The following JAK1 variants were observed in gnomAD, a reference collection of about 807,000 sequenced individuals.
JAK1 encodes tyrosine-protein kinase JAK1.
A neutral mutation model predicts 136.6 loss-of-function variants in JAK1; 16 were observed. That is an observed-to-expected ratio of 0.12 (90% CI 0.08 to 0.18). The LOEUF is 0.18. Among genes scored for constraint, JAK1 ranks in the 10% least tolerant of loss-of-function variants. The pLI is 1.00. For missense variants in JAK1, 859 were observed against 1,450.1 expected (o/e 0.59, Z 6.62); for synonymous variants, 492 against 519.5 (o/e 0.95, Z 0.72).
In JAK1 at chr1:64,834,014, C is replaced by T. The variant is rs1570596000; in HGVS notation, c.*548G>A. Reference sequence around the variant, plus strand: ...TTTAAGTCCTACTGGTGAGAGAATACAGTCATTTTTGTACAGAAACAATAT... The same window carrying T: ...TTTAAGTCCTACTGGTGAGAGAATATAGTCATTTTTGTACAGAAACAATAT... On this transcript the variant is annotated 3_prime_UTR_variant, in exon 25 of 25. Transcript: ENST00000342505. 2.6e-5 allele frequency: 6 copies of T among 232,844 alleles called. No individual in the cohort carries two copies. The East Asian group carries it at 3.6e-4, about 14-fold the overall frequency. 14.4% of individuals were successfully genotyped at this position (232,844 alleles called of 1,614,324 possible). A position where few individuals can be genotyped will look rare whatever the true frequency, so the allele number is the denominator to read the frequency against.
At chr1:64,892,582 G>C (rs1318661626) in intron 1 of JAK1, among the ~76,000 whole-genome samples, 1 of 152,106 alleles carries the variant, frequency 6.6e-6, no homozygotes, top group Non-Finnish European at 1.5e-5. Flanking sequence ...AACTCACCCA[G>C]GCACAATATG....
At chr1:64,970,061 G>A (rs1175129260), upstream of JAK1, among the ~76,000 whole-genome samples, 1 of 138,848 alleles carries the variant, frequency 7.2e-6, no homozygotes, top group East Asian at 2.2e-4. Context: ...CTTGAGCCCA[G>A]GAGATCAAGG....
At chr1:65,050,711 G>A (rs560130328) in intron 1 of JAK1, among the ~76,000 whole-genome samples, 1 of 152,322 alleles carries the variant, frequency 6.6e-6, no homozygotes, top group South Asian at 2.1e-4. Flanking sequence ...AGTGGACAGG[G>A]GAGGCAGTGT....
chr1:64,934,977 TATC>T (rs1274313670), intron 1 of JAK1, among the ~76,000 whole-genome samples: 1 of 152,122 alleles, frequency 6.6e-6, no homozygotes, highest in East Asian at 1.9e-4. Context: ...ATAATCAACT[TATC>T]AAACCAATTT....
At chr1:64,961,157 A>G (rs1646276671) in intron 1 of JAK1, among the ~76,000 whole-genome samples, 1 of 152,218 alleles carries the variant, frequency 6.6e-6, no homozygotes, top group Non-Finnish European at 1.5e-5. Flanking sequence ...AACCAGTTAG[A>G]TAAACTGTCA....
At chr1:64,992,967 T>C (rs993464162) in intron 2 of JAK1, 4 of 151,478 alleles carry the variant, frequency 2.6e-5, no homozygotes, top group African/African-American at 9.8e-5. Context: ...CCTGTACTTA[T>C]ATTCCTTCTT....
intron 6 of JAK1, 132 bp downstream of exon 6, chr1:64,869,179 C>T (rs1656912635): frequency 2.7e-6 from 2 of 750,240 alleles, no homozygotes; most frequent in Non-Finnish European, 4.5e-6. Flanking sequence ...AGTAAACATT[C>T]TAAGGAAGAT....
chr1:64,838,380 C>A, intron 21 of JAK1, 85 bp downstream of exon 21: 1 of 1,377,500 alleles, frequency 7.3e-7, no homozygotes, highest in Non-Finnish European at 1.0e-6. Flanking sequence ...CATAAACTTA[C>A]CCACTTAGAG....
intron 13 of JAK1, 129 bp downstream of exon 13, chr1:64,847,403 T>A (rs1655306238): frequency 9.0e-7 from 1 of 1,114,362 alleles, no homozygotes; most frequent in Non-Finnish European, 1.3e-6. Flanking sequence ...GAGAAAAAAA[T>A]TCTGAGTAAA....
chr1:64,923,013 G>A (rs1645522332), intron 1 of JAK1, among the ~76,000 whole-genome samples: 1 of 152,152 alleles, frequency 6.6e-6, no homozygotes, highest in South Asian at 2.1e-4. Flanking sequence ...CTACTATAAA[G>A]TAAATTTGGA....
intron 2 of JAK1, among the ~76,000 whole-genome samples, chr1:65,015,872 C>T (rs930867914): frequency 1.3e-5 from 2 of 152,022 alleles, no homozygotes; most frequent in Non-Finnish European, 2.9e-5. Flanking sequence ...GAATAGAAAG[C>T]GGGGACTCAA....
intron 2 of JAK1, among the ~76,000 whole-genome samples, chr1:65,038,759 C>T (rs561186646): frequency 2.2e-4 from 34 of 152,014 alleles, no homozygotes; most frequent in African/African-American, 7.7e-4. Flanking sequence ...ATGCCTCAGC[C>T]TCCTGAGTAG....
chr1:64,945,133 C>T (rs374089847), intron 1 of JAK1, among the ~76,000 whole-genome samples: 11 of 151,884 alleles, frequency 7.2e-5, no homozygotes, highest in Admixed American at 1.3e-4. Context: ...CTAGCCCTTA[C>T]GAAACACAAG....
intron 2 of JAK1, chr1:64,993,650 G>A (rs555831756): frequency 6.6e-6 from 1 of 151,604 alleles, no homozygotes; most frequent in African/African-American, 2.4e-5. Flanking sequence ...ATTTATTTAT[G>A]TATTTATTTA....
At chr1:64,960,130 G>C (rs1232142421) in intron 1 of JAK1, among the ~76,000 whole-genome samples, 1 of 152,114 alleles carries the variant, frequency 6.6e-6, no homozygotes, top group Non-Finnish European at 1.5e-5. Flanking sequence ...GGAAGGCTGA[G>C]GTGGGGAGGA....
intron 2 of JAK1, chr1:64,973,995 T>C (rs1257416135): frequency 1.3e-5 from 2 of 152,146 alleles, no homozygotes; most frequent in African/African-American, 2.4e-5. Flanking sequence ...AGAAAAAAGA[T>C]GAAAAGCAAA....
intron 2 of JAK1, among the ~76,000 whole-genome samples, chr1:65,042,562 G>C (rs1647144352): frequency 6.6e-6 from 1 of 152,110 alleles, no homozygotes; most frequent in South Asian, 2.1e-4. Flanking sequence ...TTTAGAGTTG[G>C]CCGAAGGTTG....
intron 1 of JAK1, among the ~76,000 whole-genome samples, chr1:64,928,169 A>G (rs1171851859): frequency 1.3e-5 from 2 of 152,182 alleles, no homozygotes; most frequent in African/African-American, 2.4e-5. Flanking sequence ...AAAGCATTCT[A>G]TGCCATGAGG....
At position 64,838,520 on chromosome 1, in the gene JAK1, T is replaced by A; in HGVS notation, c.2912A>T (p.Asn971Ile). 1 of 1,613,978 alleles carries A rather than the reference T, an allele frequency of 6.2e-7. No homozygotes were observed. Among genetic ancestry groups the A allele is most frequent in the Non-Finnish European group, 8.5e-7 (1 of 1,179,820 alleles). Residue 971 changes from asparagine (N) to isoleucine (I), a missense_variant, in exon 21 of 25, where the codon AAT (asparagine) becomes ATT (isoleucine). Coordinates refer to ENST00000342505, the MANE Select transcript of JAK1 (RefSeq NM_002227.4). The stretch of plus-strand genomic sequence containing the variant: ...CTGTTTGAGGTTTATTTTGTTCTTA[T>A]TCTTTGGAAGATATTCCTTAAGGCT... ...SGSLKEYLPK[N>I]KNKINLKQQL... is the part of the protein sequence containing the mutation.
Sources: allele counts gnomAD v4.1 joint callset (sites outside exome capture counted in the v4.1 genomes callset), GRCh38; gene constraint gnomAD v4.1.1; transcripts MANE v1.5; gene names NCBI Gene and HGNC (gene_info 2026-07-23, HGNC 2026-07-21).